The following CGNL1 variants were observed in gnomAD, a reference collection of about 807,000 sequenced individuals.
CGNL1 encodes the protein cingulin-like protein 1.
Under a neutral mutation model 141.2 loss-of-function variants are expected in CGNL1, and 132 were observed. That is an observed-to-expected ratio of 0.93 (90% CI 0.81 to 1.08). The LOEUF (loss-of-function observed/expected upper bound fraction) is 1.08. Ranked by LOEUF, CGNL1 falls within the 50% of genes least tolerant of loss-of-function variation. CGNL1 has a pLI of 0.00. For synonymous variants in CGNL1, 690 were observed against 622.1 expected (o/e 1.11, Z -1.63); for missense variants, 1,870 against 1,588.6 (o/e 1.18, Z -3.01).
At chr15:57,436,213 T>C (rs760862154) in intron 1 of CGNL1, among the ~76,000 whole-genome samples, 2 of 152,216 alleles carry the variant, frequency 1.3e-5, no homozygotes, top group Non-Finnish European at 2.9e-5. Flanking sequence ...TGTTGCATGT[T>C]GATGACCAGC....
chr15:57,534,131 C>T (rs190142820), intron 14 of CGNL1, among the ~76,000 whole-genome samples: 1 of 152,344 alleles, frequency 6.6e-6, no homozygotes, highest in East Asian at 1.9e-4. Context: ...TCACCCTTTA[C>T]TTTCCCCCAA....
At chr15:57,454,840 A>G (rs935350686) in intron 7 of CGNL1, among the ~76,000 whole-genome samples, 2 of 152,182 alleles carry the variant, frequency 1.3e-5, no homozygotes, top group Non-Finnish European at 1.5e-5. Flanking sequence ...AGTTACAAAG[A>G]CAAGAAGATA....
chr15:57,468,398 A>G (rs113948998), intron 8 of CGNL1, among the ~76,000 whole-genome samples: 4 of 151,138 alleles, frequency 2.6e-5, no homozygotes, highest in Admixed American at 1.3e-4. Flanking sequence ...ACGCCACCAC[A>G]CCTGGCTAGT....
intron 8 of CGNL1, among the ~76,000 whole-genome samples, chr15:57,478,712 C>T (rs999821015): frequency 1.3e-5 from 2 of 152,182 alleles, no homozygotes; most frequent in African/African-American, 2.4e-5. Flanking sequence ...AATCATGGCT[C>T]GCTGCTGCCT....
At chr15:57,415,927 G>A (rs1350437799) in intron 1 of CGNL1, among the ~76,000 whole-genome samples, 2 of 152,130 alleles carry the variant, frequency 1.3e-5, no homozygotes, top group African/African-American at 2.4e-5. Flanking sequence ...TAGAGATGGC[G>A]GCTGCTTCCC....
intron 8 of CGNL1, among the ~76,000 whole-genome samples, chr15:57,470,403 G>GC (rs1233431039): frequency 6.6e-6 from 1 of 152,042 alleles, no homozygotes; most frequent in Non-Finnish European, 1.5e-5. Flanking sequence ...CAGGCCCAGT[G>GC]CCCCATTCTG....
At chr15:57,427,810 C>G (rs1423483793) in intron 1 of CGNL1, among the ~76,000 whole-genome samples, 1 of 152,202 alleles carries the variant, frequency 6.6e-6, no homozygotes, top group Non-Finnish European at 1.5e-5. Context: ...ACCCCAGGGC[C>G]TAATTTCTAC....
chr15:57,533,792 T>C (rs904278417), intron 14 of CGNL1, among the ~76,000 whole-genome samples: 3 of 152,184 alleles, frequency 2.0e-5, no homozygotes, highest in African/African-American at 7.2e-5. Context: ...CTGCTGTCCA[T>C]GATGTGGTCA....
chr15:57,539,130 G>C (rs146776665), intron 14 of CGNL1, among the ~76,000 whole-genome samples: 2 of 152,088 alleles, frequency 1.3e-5, no homozygotes, highest in Non-Finnish European at 2.9e-5. Context: ...CCTCTGCTCT[G>C]CTGGCCGTTT....
At chr15:57,460,025 G>A (rs886663286) in intron 7 of CGNL1, among the ~76,000 whole-genome samples, 3 of 152,104 alleles carry the variant, frequency 2.0e-5, no homozygotes, top group African/African-American at 7.2e-5. Flanking sequence ...AAATGAGCTT[G>A]CTAAAAGAGA....
chr15:57,404,171 G>A lies in CGNL1; in HGVS notation c.-16+27604G>A, dbSNP rs375592676. On this transcript the variant is annotated intron_variant, in intron 1 of 18. Coordinates refer to ENST00000281282, the MANE Select transcript of CGNL1 (RefSeq NM_032866.5). ...CCAGAAGCCAGGGATCTGGAAGCCT[G>A]GCAGTATTTCCAGGAAAGTAGCTTA... Among the ~76,000 whole-genome samples, 36 of 152,304 alleles carry A rather than the reference G, an allele frequency of 2.4e-4. No individual in the cohort carries two copies. In the South Asian group the frequency reaches 7.5e-3, roughly 32 times the overall value.
chr15:57,411,756 G>GT (rs796403383), intron 1 of CGNL1, among the ~76,000 whole-genome samples: 208 of 145,714 alleles, frequency 1.4e-3, no homozygotes, highest in South Asian at 1.5e-3. Flanking sequence ...GATCTCACTA[G>GT]TTTTTTTTTT....
At chr15:57,443,622 A>G (rs532505495) in intron 4 of CGNL1, among the ~76,000 whole-genome samples, 1 of 152,308 alleles carries the variant, frequency 6.6e-6, no homozygotes, top group East Asian at 1.9e-4. Flanking sequence ...AAATAGAACA[A>G]TGCCGTACAC....
chr15:57,512,759 G>A (rs1439467774), intron 8 of CGNL1, among the ~76,000 whole-genome samples: 4 of 152,152 alleles, frequency 2.6e-5, no homozygotes, highest in East Asian at 1.9e-4. Flanking sequence ...TGAGATTTCC[G>A]GGTGAATGAA....
intron 1 of CGNL1, among the ~76,000 whole-genome samples, chr15:57,421,635 C>A (rs1387315495): frequency 1.3e-5 from 2 of 152,128 alleles, no homozygotes; most frequent in African/African-American, 4.8e-5. Flanking sequence ...CCCAAATATT[C>A]TGAGCCTGCT....
Position 57,537,125 on chromosome 15 carries a change from A to G in CGNL1, c.3291+5346A>G, listed in dbSNP as rs1397835655. ...TGCTTCACAGCAGAGCTGGGCCTAC[A>G]TGGGAAGGCGTTCTCTTGGCTATGG... On this transcript the variant is annotated intron_variant, in intron 14 of 18. Coordinates refer to ENST00000281282, the MANE Select transcript of CGNL1 (RefSeq NM_032866.5). Among the ~76,000 whole-genome samples, 11 of 152,206 alleles carry G rather than the reference A, an allele frequency of 7.2e-5. No homozygotes were observed. The East Asian group carries it at 1.5e-3, about 21-fold the overall frequency.
rs760636959 is a variant in CGNL1, at chr15:57,437,991, C to G, written c.-9C>G. ...CCCCATCTCTCCCTGGTAGCTGGAA[C>G]AGTGAACCATGGAGCTGTATTTCGG... On this transcript the variant is annotated 5_prime_UTR_variant, in exon 2 of 19. Transcript: ENST00000281282. 1.9e-6 allele frequency: 3 copies of G among 1,606,072 alleles called. No individual in the cohort carries two copies. The highest frequency in any genetic ancestry group is 2.5e-6 in the Non-Finnish European group (3 of 1,177,858).
At chr15:57,399,312 T>C (rs2062634698) in intron 1 of CGNL1, among the ~76,000 whole-genome samples, 2 of 152,334 alleles carry the variant, frequency 1.3e-5, no homozygotes, top group South Asian at 4.1e-4. Context: ...TATCCTACCC[T>C]CTTCTCTACC....
Position 57,447,563 on chromosome 15 carries a change from A to G in CGNL1, c.1804-3937A>G, listed in dbSNP as rs190168779. Among the ~76,000 whole-genome samples the G allele has an allele frequency of 7.4e-4, 112 of 152,154 alleles. 1 individual carries two copies. The highest frequency in any genetic ancestry group is 6.9e-3 in the Admixed American group (106 of 15,288). ...TTTTAATAATTTATCTTTATTGTCAATTGTTAGATTTTGACTATGACGTGC... is the reference window on the plus strand; with the variant it reads ...TTTTAATAATTTATCTTTATTGTCAGTTGTTAGATTTTGACTATGACGTGC... On this transcript the variant is annotated intron_variant, in intron 4 of 18. Coordinates refer to ENST00000281282, the MANE Select transcript of CGNL1 (RefSeq NM_032866.5).
Sources: allele counts gnomAD v4.1 joint callset (sites outside exome capture counted in the v4.1 genomes callset), GRCh38; gene constraint gnomAD v4.1.1; transcripts MANE v1.5; gene names NCBI Gene and HGNC (gene_info 2026-07-23, HGNC 2026-07-21).